KNL1: variants seen among roughly 807,000 people sequenced by gnomAD.
The protein encoded by KNL1 is kinetochore scaffold 1, also known as outer kinetochore KNL1 complex subunit KNL1.
Under a neutral mutation model 201.3 loss-of-function variants are expected in KNL1, and 66 were observed. The observed-to-expected ratio is 0.33, with a 90% CI of 0.27 to 0.40. The LOEUF (loss-of-function observed/expected upper bound fraction) is 0.40. KNL1 is among the 10% of genes least tolerant of loss of function. KNL1 has a pLI of 1.00. For missense variants in KNL1, 2,815 were observed against 2,690.5 expected (o/e 1.05, Z -1.02); for synonymous variants, 895 against 899.2 (o/e 1.00, Z 0.08).
At chr15:40,610,743 T>C (rs1331732623) in intron 6 of KNL1, 1 of 455,468 alleles carries the variant, frequency 2.2e-6, no homozygotes, top group African/African-American at 2.0e-5. Context: ...GAGTGGATAG[T>C]AAGTAAATTT....
At chr15:40,637,380 T>TTTC (rs1555421999) in intron 13 of KNL1, among the ~76,000 whole-genome samples, 1,824 of 151,464 alleles carry the variant, frequency 0.012, 32 homozygotes, top group African/African-American at 0.042. Context: ...TTTTTTTTTT[T>TTTC]AAGTTTACTT....
rs916592999 is a variant in KNL1 at position 40,649,335 on chromosome 15, A to T, written c.6095-966A>T. Among the ~76,000 whole-genome samples, 3 of 151,640 alleles carry T rather than the reference A, an allele frequency of 2.0e-5. 1 individual carries two copies. The highest frequency in any genetic ancestry group is 4.4e-5 in the Non-Finnish European group (3 of 67,912). On this transcript the variant is annotated intron_variant, in intron 17 of 25. Coordinates refer to ENST00000399668, the MANE Select transcript of KNL1 (RefSeq NM_144508.5). ...TTTTGAGACAGAATCTCTCTCTGTCACCCAGGCTGGAGTGCAGTGGCATGA... is the reference window on the plus strand; with the variant it reads ...TTTTGAGACAGAATCTCTCTCTGTCTCCCAGGCTGGAGTGCAGTGGCATGA...
In KNL1 at chr15:40,644,997, A is replaced by G; in HGVS notation, c.5799A>G (p.Glu1933=). The change falls in exon 15 of 26, where the codon GAA becomes GAG. Residue 1933 remains glutamate, a splice_region_variant and synonymous_variant. Coordinates refer to ENST00000399668, the MANE Select transcript of KNL1 (RefSeq NM_144508.5). The stretch of plus-strand genomic sequence containing the variant: ...GCTAATTAACTTTTCCGTATTTTAG[A>G]TTAAAGCTTTCTGCATCGAACCAAG... The part of the protein sequence containing the change: ...DCEARRQKIE[E]LKLSASNQDK... The G allele has an allele frequency of 6.2e-7, 1 of 1,607,286 alleles. No homozygotes were observed. Among genetic ancestry groups the G allele is most frequent in the Non-Finnish European group, 8.5e-7 (1 of 1,175,390 alleles).
At chr15:40,652,937 G>A (rs1893615201) in intron 21 of KNL1, among the ~76,000 whole-genome samples, 1 of 152,044 alleles carries the variant, frequency 6.6e-6, no homozygotes, top group East Asian at 1.9e-4. Flanking sequence ...TGTCTTTTAG[G>A]TATTTTCTCT....
At chr15:40,635,663 ATTC>A (rs1166788907) in intron 13 of KNL1, among the ~76,000 whole-genome samples, 1 of 152,046 alleles carries the variant, frequency 6.6e-6, no homozygotes, top group Non-Finnish European at 1.5e-5. Context: ...TGGGGAATGT[ATTC>A]TTGAGGCAGG....
At chr15:40,599,595 GC>G (rs1038006030) in intron 1 of KNL1, among the ~76,000 whole-genome samples, 1 of 151,616 alleles carries the variant, frequency 6.6e-6, no homozygotes, top group African/African-American at 2.4e-5. Flanking sequence ...TGTTGTCCAG[GC>G]CCCTTTGGAC....
chr15:40,635,837 C>T (rs1357528440), intron 13 of KNL1, among the ~76,000 whole-genome samples: 1 of 152,110 alleles, frequency 6.6e-6, no homozygotes, highest in Non-Finnish European at 1.5e-5. Context: ...CTAGAACTCA[C>T]ATCTCCTAGT....
At position 40,624,824 on chromosome 15, in the gene KNL1, A is replaced by G. The variant is rs191880748; in HGVS notation, c.4560A>G (p.Leu1520=). 3.1e-4 allele frequency: 508 copies of G among 1,613,406 alleles called. 2 individuals are homozygous for G. Among genetic ancestry groups the G allele is most frequent in the Non-Finnish European group, 3.4e-4 (406 of 1,179,914 alleles). Residue 1520 remains leucine, a synonymous_variant, in exon 10 of 26, where the codon CTA becomes CTG. Transcript: ENST00000399668. The part of the protein sequence containing the change: ...NIQTTNYNTA[L]DFHSNSDVTK... ...AAACAACTAACTATAATACAGCTCT[A>G]GATTTCCACAGTAACTCAGACGTAA...
At chr15:40,661,346 G>T (rs1893902748) in intron 25 of KNL1, among the ~76,000 whole-genome samples, 1 of 152,052 alleles carries the variant, frequency 6.6e-6, no homozygotes, top group South Asian at 2.1e-4. Flanking sequence ...CAAAAAAATA[G>T]CCAGGCGTGG....
intron 1 of KNL1, among the ~76,000 whole-genome samples, chr15:40,601,347 G>T (rs1420068039): frequency 6.6e-6 from 1 of 152,168 alleles, no homozygotes; most frequent in Non-Finnish European, 1.5e-5. Context: ...TTTGGAAAAG[G>T]TTGGGGACCA....
intron 12 of KNL1, 114 bp downstream of exon 12, chr15:40,628,792 T>G (rs530394849): frequency 1.7e-6 from 1 of 578,790 alleles, no homozygotes; most frequent in East Asian, 2.9e-5. Context: ...TTACGAAATA[T>G]TTCAAATATA....
At chr15:40,609,810 C>A (rs1892095310) in intron 5 of KNL1, among the ~76,000 whole-genome samples, 1 of 151,950 alleles carries the variant, frequency 6.6e-6, no homozygotes, top group Non-Finnish European at 1.5e-5. Context: ...AAATTATAAC[C>A]TCTGCAGTAA....
intron 13 of KNL1, among the ~76,000 whole-genome samples, chr15:40,629,964 C>G (rs1420719180): frequency 7.8e-6 from 1 of 127,882 alleles, no homozygotes; most frequent in African/African-American, 2.8e-5. Flanking sequence ...ACAGAACTAA[C>G]ATGGGCTTTT....
At chr15:40,654,308 T>C (rs1264463107) in intron 21 of KNL1, among the ~76,000 whole-genome samples, 2 of 152,172 alleles carry the variant, frequency 1.3e-5, no homozygotes, top group African/African-American at 2.4e-5. Context: ...TTTCCTTATA[T>C]GATTGCTGAA....
chr15:40,601,099 G>A (rs538632004), intron 1 of KNL1, among the ~76,000 whole-genome samples: 5 of 152,242 alleles, frequency 3.3e-5, no homozygotes, highest in Non-Finnish European at 7.3e-5. Context: ...TGGGAGATCA[G>A]TAGCAGCCCA....
chr15:40,622,936 G>A lies in KNL1; in HGVS notation c.2672G>A (p.Arg891His), dbSNP rs761632869. The change falls in exon 10 of 26, where the codon CGT becomes CAT. Residue 891 changes from arginine to histidine, a missense_variant. Physicochemically the swap from Arg to His is conservative, Grantham distance 29. Transcript: ENST00000399668. Reference sequence around the variant, plus strand: ...AACCATAGACCTTTATTAGAGAAACGTGATTGTCATTTGGTGCCATTGGCA... The same window carrying A: ...AACCATAGACCTTTATTAGAGAAACATGATTGTCATTTGGTGCCATTGGCA... The part of the protein sequence containing the change: ...EINHRPLLEK[R>H]DCHLVPLAGT... The A allele has an allele frequency of 6.2e-6, 10 of 1,613,180 alleles. No homozygotes were observed. Among genetic ancestry groups the A allele is most frequent in the African/African-American group, 1.3e-5 (1 of 74,828 alleles).
intron 6 of KNL1, chr15:40,610,823 A>G (rs1172860550): frequency 4.4e-6 from 2 of 455,302 alleles, no homozygotes; most frequent in East Asian, 1.4e-4. Flanking sequence ...GTGCCATCTC[A>G]GCTGCAACTT....
chr15:40,621,150 C>T lies in KNL1; in HGVS notation c.886C>T (p.Pro296Ser). ...TACAGCCAATATTCAGACATTGATT[C>T]CCACATCCAGTGAGACCAACTCACG... ...CHTANIQTLI[P>S]TSSETNSRES... Residue 296 changes from proline (P) to serine (S), a missense_variant, in exon 10 of 26, where the codon CCC becomes TCC. By Grantham distance (74) the Pro-to-Ser change is moderately conservative. Coordinates refer to ENST00000399668, the MANE Select transcript of KNL1 (RefSeq NM_144508.5). 6.2e-7 allele frequency: 1 copy of T among 1,613,656 alleles called. No homozygotes were observed. Among genetic ancestry groups the T allele is most frequent in the South Asian group, 1.1e-5 (1 of 91,026 alleles).
At chr15:40,614,112 T>TA (rs1892265530) in intron 7 of KNL1, among the ~76,000 whole-genome samples, 1 of 148,872 alleles carries the variant, frequency 6.7e-6, no homozygotes, top group Non-Finnish European at 1.5e-5. Flanking sequence ...TTTTTTTTTT[T>TA]TTTGAGATGG....
Sources: allele counts gnomAD v4.1 joint callset (sites outside exome capture counted in the v4.1 genomes callset), GRCh38; gene constraint gnomAD v4.1.1; transcripts MANE v1.5; gene names NCBI Gene and HGNC (gene_info 2026-07-23, HGNC 2026-07-21).